The following ZNF438 variants were observed in gnomAD, a reference collection of about 807,000 sequenced individuals.
ZNF438 encodes the protein zinc finger protein 438.
A neutral mutation model predicts 38.0 loss-of-function variants in ZNF438; 25 were observed. The ratio of observed to expected loss-of-function variants is 0.66; its 90% CI spans 0.48 to 0.92. ZNF438 has a LOEUF of 0.92. Among genes scored for constraint, ZNF438 ranks in the 40% least tolerant of loss-of-function variants. The pLI is 0.00. For missense variants in ZNF438, 1,007 were observed against 999.6 expected, an observed-to-expected ratio of 1.01 and a Z score of -0.10; for synonymous variants, 372 against 364.1, an observed-to-expected ratio of 1.02 and a Z score of -0.25.
chr10:30,999,905 T>C (rs1007275942), intron 1 of ZNF438, among the ~76,000 whole-genome samples: 5 of 152,236 alleles, frequency 3.3e-5, no homozygotes, highest in African/African-American at 1.2e-4. Context: ...TTATAGTCAC[T>C]TAAATGGACA....
chr10:30,881,484 A>G (rs1015005271), intron 3 of ZNF438, among the ~76,000 whole-genome samples: 1 of 152,142 alleles, frequency 6.6e-6, no homozygotes, highest in Non-Finnish European at 1.5e-5. Flanking sequence ...AAATTTTAAA[A>G]GATCTAAACA....
intron 1 of ZNF438, among the ~76,000 whole-genome samples, chr10:31,030,368 G>A (rs145023428): frequency 1.7e-3 from 262 of 152,290 alleles, no homozygotes; most frequent in African/African-American, 5.9e-3. Flanking sequence ...CTGCTAGGTT[G>A]GAGGCTGTCT....
chr10:31,004,319 A>C (rs926940912), intron 1 of ZNF438, among the ~76,000 whole-genome samples: 2 of 152,218 alleles, frequency 1.3e-5, no homozygotes, highest in Admixed American at 6.5e-5. Flanking sequence ...CAAAAGTACA[A>C]GATGAAAAAC....
At chr10:30,885,212 G>A (rs917440616) in intron 3 of ZNF438, among the ~76,000 whole-genome samples, 1 of 152,190 alleles carries the variant, frequency 6.6e-6, no homozygotes, top group African/African-American at 2.4e-5. Context: ...AGAGCTTTAG[G>A]TAATTCATAA....
chr10:30,981,254 C>T (rs182554701), intron 1 of ZNF438, among the ~76,000 whole-genome samples: 7 of 152,302 alleles, frequency 4.6e-5, no homozygotes, highest in Admixed American at 4.6e-4. Flanking sequence ...AGACAAGAAA[C>T]ACAAGTCCTT....
At chr10:30,984,085 A>C (rs1014340990) in intron 1 of ZNF438, among the ~76,000 whole-genome samples, 12 of 152,142 alleles carry the variant, frequency 7.9e-5, no homozygotes, top group Admixed American at 4.6e-4. Flanking sequence ...CTAATGCTCT[A>C]AATTTTGCTA....
intron 1 of ZNF438, among the ~76,000 whole-genome samples, chr10:30,947,125 G>A (rs994611589): frequency 6.6e-6 from 1 of 152,194 alleles, no homozygotes; most frequent in South Asian, 2.1e-4. Context: ...ACTAGGTTTT[G>A]GGTTATCTTT....
intron 1 of ZNF438, among the ~76,000 whole-genome samples, chr10:30,949,099 C>A (rs1207359290): frequency 6.6e-6 from 1 of 152,164 alleles, no homozygotes; most frequent in Non-Finnish European, 1.5e-5. Flanking sequence ...CAATATTCAA[C>A]ATTCTTAAAG....
intron 1 of ZNF438, among the ~76,000 whole-genome samples, chr10:30,968,566 C>T (rs2050400956): frequency 6.6e-6 from 1 of 150,754 alleles, no homozygotes; most frequent in Non-Finnish European, 1.5e-5. Flanking sequence ...GTCTCAGCCT[C>T]CTGAGAAGCT....
exon 5 of ZNF438, chr10:30,850,281 C>T (rs2033338281): frequency 6.2e-7 from 1 of 1,614,140 alleles, no homozygotes. Flanking sequence ...ACTTTGGGCA[C>T]AATTTTTGGT....
At chr10:30,884,589 G>C (rs1278152760) in intron 3 of ZNF438, among the ~76,000 whole-genome samples, 1 of 151,996 alleles carries the variant, frequency 6.6e-6, no homozygotes, top group Non-Finnish European at 1.5e-5. Context: ...ATATTAAATA[G>C]AAAAATCTAT....
intron 1 of ZNF438, among the ~76,000 whole-genome samples, chr10:30,948,345 C>T (rs1283426991): frequency 6.6e-6 from 1 of 152,158 alleles, no homozygotes; most frequent in Non-Finnish European, 1.5e-5. Context: ...CAGAGCACCT[C>T]TCCTCCTCCA....
chr10:30,898,058 C>A (rs952519878), intron 3 of ZNF438, among the ~76,000 whole-genome samples: 2 of 152,104 alleles, frequency 1.3e-5, no homozygotes, highest in African/African-American at 4.8e-5. Context: ...CATTTGGTTT[C>A]CTCATGAATG....
intron 4 of ZNF438, among the ~76,000 whole-genome samples, chr10:30,865,140 T>C (rs868239568): frequency 6.6e-6 from 1 of 152,248 alleles, no homozygotes. Context: ...ACATAATCCA[T>C]CTCAATGTTG....
chr10:31,025,591 TA>T (rs2133368591), intron 1 of ZNF438, among the ~76,000 whole-genome samples: 1 of 152,310 alleles, frequency 6.6e-6, no homozygotes, highest in African/African-American at 2.4e-5. Flanking sequence ...ACTTGAAGAA[TA>T]ATAGCTACGT....
At chr10:30,847,475 T>A (rs929158293) in intron 5 of ZNF438, among the ~76,000 whole-genome samples, 1 of 152,174 alleles carries the variant, frequency 6.6e-6, no homozygotes, top group African/African-American at 2.4e-5. Context: ...CTCTTCATCT[T>A]GCTCACCCTC....
At chr10:30,998,074 TAGAA>T (rs780220798) in intron 1 of ZNF438, among the ~76,000 whole-genome samples, 10 of 152,208 alleles carry the variant, frequency 6.6e-5, no homozygotes, top group Non-Finnish European at 1.2e-4. Context: ...CTAACTGATA[TAGAA>T]AGAAAGATAC....
chr10:30,893,515 ATAAT>A (rs1252463719), intron 3 of ZNF438, among the ~76,000 whole-genome samples: 20 of 152,244 alleles, frequency 1.3e-4, no homozygotes, highest in Admixed American at 5.2e-4. Flanking sequence ...ACCACATAAC[ATAAT>A]TAGAGAAAAC....
At chr10:30,946,762 T>C (rs1407016337) in intron 1 of ZNF438, among the ~76,000 whole-genome samples, 2 of 152,232 alleles carry the variant, frequency 1.3e-5, no homozygotes, top group Admixed American at 1.3e-4. Flanking sequence ...TCTTGTTATT[T>C]CCTATTTCTC....
Sources: allele counts gnomAD v4.1 joint callset (sites outside exome capture counted in the v4.1 genomes callset), GRCh38; gene constraint gnomAD v4.1.1; transcripts MANE v1.5; gene names NCBI Gene and HGNC (gene_info 2026-07-23, HGNC 2026-07-21).